The following FAM227B variants were observed in gnomAD, a reference collection of about 807,000 sequenced individuals.
FAM227B encodes the protein protein FAM227B.
In FAM227B, 88 loss-of-function variants were observed where a neutral mutation model predicts 73.8. The observed-to-expected ratio is 1.19, with a 90% confidence interval of 1.00 to 1.42. FAM227B has a LOEUF of 1.42. Ranked by LOEUF, FAM227B falls within the 40% of genes most tolerant of loss-of-function variation. The pLI is 0.00. For synonymous variants in FAM227B, 210 were observed against 190.5 expected (o/e 1.10, Z -0.84); for missense variants, 632 against 590.9 (o/e 1.07, Z -0.72).
chr15:49,517,800 A>G (rs1265671000), intron 10 of FAM227B, among the ~76,000 whole-genome samples: 2 of 152,180 alleles, frequency 1.3e-5, no homozygotes, highest in Admixed American at 6.5e-5. Context: ...GTTACTACCC[A>G]TTCCAAGGGT....
Position 49,575,048 on chromosome 15 carries a change from T to C in FAM227B, c.608A>G (p.His203Arg), listed in dbSNP as rs766568922. ...FLSEASIALL[H>R]DSFWWWFLHK... ...GAGAAACCACCACCAAAAGGAGTCA[T>C]GCAAAAGAGCAATGGAGGCTTCTGA... Residue 203 changes from histidine to arginine, a missense_variant, in exon 8 of 16, where the codon CAT becomes CGT. Physicochemically the swap from His to Arg is conservative, Grantham distance 29. Transcript: ENST00000299338. 13 of 1,601,554 alleles carry C rather than the reference T, an allele frequency of 8.1e-6. No individual in the cohort carries two copies. The highest frequency in any genetic ancestry group is 1.1e-5 in the Non-Finnish European group (13 of 1,173,354).
chr15:49,407,554 A>G (rs1596983721), intron 11 of FAM227B, among the ~76,000 whole-genome samples: 1 of 151,004 alleles, frequency 6.6e-6, no homozygotes, highest in East Asian at 1.9e-4. Context: ...AAATTTTAAC[A>G]CTGAGATTCA....
At chr15:49,574,450 G>T (rs2071997961) in intron 8 of FAM227B, among the ~76,000 whole-genome samples, 1 of 152,096 alleles carries the variant, frequency 6.6e-6, no homozygotes. Context: ...TGAGATCTGT[G>T]GTTTAAAAAG....
At position 49,532,234 on chromosome 15, in the gene FAM227B, T is replaced by C. The variant is rs574121778; in HGVS notation, c.874+9446A>G. Among the ~76,000 whole-genome samples, 250 of 151,814 alleles carry C rather than the reference T, an allele frequency of 1.6e-3. 3 individuals are homozygous for C. The highest frequency in any genetic ancestry group is 5.9e-3 in the African/African-American group (244 of 41,514). ...TTGCCACTATTTGAAAATTTGCTAT[T>C]TGAAACATTTTTAGGGATTAGAATC... On this transcript the variant is annotated intron_variant, in intron 10 of 15. Transcript: ENST00000299338.
chr15:49,612,420 C>T (rs1463620890), intron 2 of FAM227B, among the ~76,000 whole-genome samples: 6 of 152,126 alleles, frequency 3.9e-5, no homozygotes. Context: ...AGGACATGAA[C>T]TCATCATTTT....
chr15:49,503,674 A>G (rs1252746950), intron 11 of FAM227B, among the ~76,000 whole-genome samples: 1 of 152,212 alleles, frequency 6.6e-6, no homozygotes, highest in African/African-American at 2.4e-5. Flanking sequence ...CACATGAAAA[A>G]ATGCTCATCA....
At chr15:49,357,516 C>A (rs1433943742) in intron 13 of FAM227B, among the ~76,000 whole-genome samples, 2 of 152,036 alleles carry the variant, frequency 1.3e-5, no homozygotes, top group African/African-American at 4.8e-5. Flanking sequence ...TCGACACATA[C>A]ACTCTCCCAA....
At chr15:49,454,991 G>A (rs1259961565) in intron 11 of FAM227B, among the ~76,000 whole-genome samples, 2 of 152,114 alleles carry the variant, frequency 1.3e-5, no homozygotes, top group African/African-American at 4.8e-5. Flanking sequence ...TAGTGAGGTG[G>A]GATGGAAAAC....
chr15:49,587,076 A>T (rs937868536), intron 5 of FAM227B, among the ~76,000 whole-genome samples: 2 of 152,206 alleles, frequency 1.3e-5, no homozygotes, highest in African/African-American at 4.8e-5. Context: ...GCATGGAATC[A>T]ACCTAAATGC....
chr15:49,495,666 T>G (rs891093522), intron 11 of FAM227B, among the ~76,000 whole-genome samples: 2 of 152,206 alleles, frequency 1.3e-5, no homozygotes, highest in African/African-American at 2.4e-5. Flanking sequence ...CTACTTCTAA[T>G]GGTTTCTTTT....
intron 13 of FAM227B, chr15:49,354,114 T>C (rs1040536058): frequency 6.6e-6 from 1 of 152,254 alleles, no homozygotes; most frequent in Non-Finnish European, 1.5e-5. Flanking sequence ...AGATTATTTC[T>C]TTATATAGCT....
At chr15:49,344,510 T>C (rs984958170) in intron 13 of FAM227B, among the ~76,000 whole-genome samples, 4 of 152,208 alleles carry the variant, frequency 2.6e-5, no homozygotes, top group Non-Finnish European at 5.9e-5. Context: ...TCCCCAATTG[T>C]GTGTTCCAAT....
chr15:49,553,948 T>A (rs890976933), intron 9 of FAM227B, among the ~76,000 whole-genome samples: 1 of 152,214 alleles, frequency 6.6e-6, no homozygotes, highest in African/African-American at 2.4e-5. Flanking sequence ...CCCAGGGCCC[T>A]CAATGTAGTA....
chr15:49,583,798 C>T (rs946120844), intron 5 of FAM227B, among the ~76,000 whole-genome samples: 1 of 152,030 alleles, frequency 6.6e-6, no homozygotes, highest in Non-Finnish European at 1.5e-5. Context: ...TATACCCTCC[C>T]AAGACTGAGC....
At chr15:49,445,453 AGTTTTCTATT>A (rs2052107024) in intron 11 of FAM227B, among the ~76,000 whole-genome samples, 2 of 151,722 alleles carry the variant, frequency 1.3e-5, no homozygotes, top group Admixed American at 6.6e-5. Context: ...TTGAAATGTA[AGTTTTCTATT>A]GTTTTTTCTT....
chr15:49,558,706 T>C (rs1012834356), intron 9 of FAM227B, among the ~76,000 whole-genome samples: 5 of 152,194 alleles, frequency 3.3e-5, no homozygotes, highest in Non-Finnish European at 7.3e-5. Flanking sequence ...TAACCAGCAC[T>C]TGAACTCTGG....
intron 8 of FAM227B, among the ~76,000 whole-genome samples, chr15:49,570,301 T>A (rs2074996103): frequency 6.6e-6 from 1 of 151,904 alleles, no homozygotes; most frequent in Non-Finnish European, 1.5e-5. Flanking sequence ...TTATCTTTCA[T>A]CTTTTTGATA....
intron 13 of FAM227B, among the ~76,000 whole-genome samples, chr15:49,345,892 C>G (rs1320315793): frequency 6.6e-6 from 1 of 152,080 alleles, no homozygotes; most frequent in African/African-American, 2.4e-5. Flanking sequence ...AAGTACCTTG[C>G]CTTTGAGAGA....
chr15:49,578,492 A>AGATAGATAGATAGATAGATAGATG (rs1555551438), intron 5 of FAM227B, among the ~76,000 whole-genome samples: 8 of 152,148 alleles, frequency 5.3e-5, no homozygotes, highest in Non-Finnish European at 1.2e-4. Context: ...ATAGATAGAT[A>AGATAGATAGATAGATAGATAGATG]GCAGGTTAAT....
Sources: allele counts gnomAD v4.1 joint callset (sites outside exome capture counted in the v4.1 genomes callset), GRCh38; gene constraint gnomAD v4.1.1; transcripts MANE v1.5; gene names NCBI Gene and HGNC (gene_info 2026-07-23, HGNC 2026-07-21).